LTBP3: variants seen among roughly 807,000 people sequenced by gnomAD.
LTBP3 encodes the protein latent-transforming growth factor beta-binding protein 3.
Under a neutral mutation model 159.7 loss-of-function variants are expected in LTBP3, and 97 were observed. The ratio of observed to expected loss-of-function variants is 0.61; its 90% CI spans 0.52 to 0.72. The LOEUF (loss-of-function observed/expected upper bound fraction) is 0.72, where lower values mean the gene tolerates loss of function less well. Among genes scored for constraint, LTBP3 ranks in the 30% least tolerant of loss-of-function variants. LTBP3 has a pLI of 0.00. For synonymous variants in LTBP3, 824 were observed against 777.1 expected (o/e 1.06, Z -1.00); for missense variants, 1,584 against 1,864.3 (o/e 0.85, Z 2.77).
At position 65,539,790 on chromosome 11, in the gene LTBP3, G is replaced by C; in HGVS notation, c.3477C>G (p.Phe1159Leu). 1 of 1,544,884 alleles carries C rather than the reference G, an allele frequency of 6.5e-7. No homozygotes were observed. The highest frequency in any genetic ancestry group is 8.7e-7 in the Non-Finnish European group (1 of 1,152,628). The change falls in exon 25 of 28, where the codon TTC (phenylalanine) becomes TTG (leucine). Residue 1159 changes from phenylalanine (F) to leucine (L), a missense_variant. Physicochemically the swap from Phe to Leu is conservative, Grantham distance 22. This residue lies in a region of LTBP3 where 514 missense variants were observed against 530.3 expected (regional missense o/e 0.97). Transcript: ENST00000301873. ...GGCCCTGGCGGCAGCAGCAGTCGTC[G>C]AAGGTGAGGGCAGGCCCGGCCAGGG... ...AGPLAGPALTFDDCCCRQGRG... is the reference protein window; with the variant it reads ...AGPLAGPALTLDDCCCRQGRG...
chr11:65,539,492 CTG>C (rs778279133), intron 26 of LTBP3, 33 bp from the exon 27 acceptor site: 1 of 1,591,362 alleles, frequency 6.3e-7, no homozygotes, highest in African/African-American at 1.3e-5. Flanking sequence ...GACTTCAACA[CTG>C]AGCCCCGGCC....
Position 65,540,439 on chromosome 11 carries a change from CGT to C in LTBP3, c.3106+45_3106+46del, listed in dbSNP as rs764293664. ...CAGGCCCGGGATGGGCGCGGTGGCG[CGT>C]GTCTCCCTGCCGCTTCCCCACGGCC... On this transcript the variant is annotated intron_variant, in intron 22 of 27. Coordinates refer to ENST00000301873, the MANE Select transcript of LTBP3 (RefSeq NM_001130144.3). The C allele has an allele frequency of 3.1e-6, 5 of 1,609,992 alleles. No homozygotes were observed. The African/African-American group carries it at 4.0e-5, about 13-fold the overall frequency.
rs1019822569 is a variant in LTBP3 at position 65,551,079 on chromosome 11, G to A, written c.1720+47C>T. 16 of 1,476,898 alleles carry A rather than the reference G, an allele frequency of 1.1e-5. No homozygotes were observed. In the East Asian group the frequency reaches 3.9e-4, roughly 36 times the overall value. 91.5% of individuals were successfully genotyped at this position (1,476,898 alleles called of 1,614,324 possible). A position where few individuals can be genotyped will look rare whatever the true frequency, so the allele number is the denominator to read the frequency against. On this transcript the variant is annotated intron_variant, in intron 11 of 27. Coordinates refer to ENST00000301873, the MANE Select transcript of LTBP3 (RefSeq NM_001130144.3). ...GCGGGAGGGAGGAGAGAAAACTAAA[G>A]TGGGGGCGTGGCCTAGGCAGGGGTG...
rs753899891 is a variant in LTBP3, at chr11:65,553,175, G to T, written c.1052C>A (p.Thr351Asn). Reference protein sequence around the residue: ...CPQGYKRLNSTHCQDINECAM... With the variant: ...CPQGYKRLNSNHCQDINECAM... ...CTAGCTGGCCATACCCTGGCAGTGG[G>T]TGCTGTTAAGCCTCTTGTAGCCCTG... is the stretch of plus-strand genomic sequence containing the variant. Residue 351 changes from threonine (T) to asparagine (N), a missense_variant, in exon 5 of 28, where the codon ACC becomes AAC. Coordinates refer to ENST00000301873, the MANE Select transcript of LTBP3 (RefSeq NM_001130144.3). This position sits in a 1 kb window ranked among gnomAD's most constrained non-coding sequence, Gnocchi z 6.5. 18 of 1,613,992 alleles carry T rather than the reference G, an allele frequency of 1.1e-5. No individual in the cohort carries two copies. The Admixed American group carries it at 3.0e-4, about 27-fold the overall frequency.
chr11:65,548,019 T>C lies in LTBP3; in HGVS notation c.1747A>G (p.Asn583Asp), dbSNP rs1856456418. The change falls in exon 12 of 28, where the codon AAC becomes GAC. Residue 583 changes from asparagine (N) to aspartate (D), a missense_variant. Asn to Asp is a conservative substitution (Grantham distance 23). Coordinates refer to ENST00000301873, the MANE Select transcript of LTBP3 (RefSeq NM_001130144.3). ...ACGCACTCTCCGTGGCCACAGATGT[T>C]CTGGTTCAGTCGGCACTCATCAGTC... ...TETDECRLNQ[N>D]ICGHGECVPG... 6.2e-7 allele frequency: 1 copy of C among 1,613,740 alleles called. No individual in the cohort carries two copies. The highest frequency in any genetic ancestry group is 1.3e-5 in the African/African-American group (1 of 74,856).
Position 65,554,866 on chromosome 11 carries a change from G to T in LTBP3, c.332-486C>A, listed in dbSNP as rs1046818947. Among the ~76,000 whole-genome samples, 42 of 151,392 alleles carry T rather than the reference G, an allele frequency of 2.8e-4. No homozygotes were observed. The highest frequency in any genetic ancestry group is 1.0e-3 in the African/African-American group (42 of 41,180). ...CTTCAGGCCTCAGTCCTCTCTGCCT[G>T]CTCTCCACCCTCTCCCTCTTCACCA... On this transcript the variant is annotated intron_variant, in intron 1 of 27. Transcript: ENST00000301873. The surrounding 1 kb of genome is among the most constrained non-coding windows in gnomAD (Gnocchi z 5.3).
intron 1 of LTBP3, among the ~76,000 whole-genome samples, chr11:65,556,043 C>T (rs891212137): frequency 1.3e-5 from 2 of 152,178 alleles, no homozygotes; most frequent in Non-Finnish European, 2.9e-5. Flanking sequence ...AGAGTGACCT[C>T]CCAATGACAC....
chr11:65,538,608 A>G lies in LTBP3; in HGVS notation c.*472T>C, dbSNP rs2135110760. 1.3e-6 allele frequency: 2 copies of G among 1,592,420 alleles called. No homozygotes were observed. Among genetic ancestry groups the G allele is most frequent in the Non-Finnish European group, 1.7e-6 (2 of 1,170,120 alleles). Reference sequence around the variant, plus strand: ...TTCCCGGCTGCGGAGAGCCCGCCCCACAGATGTATTTATTGTACAAACCAT... The same window carrying G: ...TTCCCGGCTGCGGAGAGCCCGCCCCGCAGATGTATTTATTGTACAAACCAT... On this transcript the variant is annotated 3_prime_UTR_variant, in exon 28 of 28. Coordinates refer to ENST00000301873, the MANE Select transcript of LTBP3 (RefSeq NM_001130144.3).
At position 65,548,016 on chromosome 11, in the gene LTBP3, T is replaced by A; in HGVS notation, c.1750A>T (p.Ile584Phe). The A allele has an allele frequency of 6.2e-7, 1 of 1,613,840 alleles. No individual in the cohort carries two copies. The highest frequency in any genetic ancestry group is 8.5e-7 in the Non-Finnish European group (1 of 1,179,964). The stretch of plus-strand genomic sequence containing the variant: ...GGCACGCACTCTCCGTGGCCACAGA[T>A]GTTCTGGTTCAGTCGGCACTCATCA... ...ETDECRLNQN[I>F]CGHGECVPGP... is the part of the protein sequence containing the mutation. Residue 584 changes from isoleucine to phenylalanine, a missense_variant, in exon 12 of 28, where the codon ATC becomes TTC. This residue lies in a region of LTBP3 where 565 missense variants were observed against 677.7 expected (regional missense o/e 0.83). Coordinates refer to ENST00000301873, the MANE Select transcript of LTBP3 (RefSeq NM_001130144.3).
At chr11:65,551,368 C>A in intron 10 of LTBP3, 34 bp downstream of exon 10, 2 of 1,608,216 alleles carry the variant, frequency 1.2e-6, no homozygotes, top group Non-Finnish European at 1.7e-6. Flanking sequence ...GTGATTTAGC[C>A]CTTGAGGACT....
rs1856733396 is a variant in LTBP3, at chr11:65,554,411, C to A, written c.332-31G>T. ...GAGAAGAGTGGGGTCAGGCCCTCAC[C>A]CACATCCTGTCTCTTTCCCCTCCTC... On this transcript the variant is annotated intron_variant, in intron 1 of 27. Coordinates refer to ENST00000301873, the MANE Select transcript of LTBP3 (RefSeq NM_001130144.3). This position sits in a 1 kb window ranked among gnomAD's most constrained non-coding sequence, Gnocchi z 5.3. 4.5e-6 allele frequency: 7 copies of A among 1,560,502 alleles called. No individual in the cohort carries two copies. Among genetic ancestry groups the A allele is most frequent in the African/African-American group, 1.4e-5 (1 of 74,012 alleles).
In LTBP3 at chr11:65,552,237, C is replaced by T. The variant is rs1003395734; in HGVS notation, c.1345+11G>A. On this transcript the variant is annotated intron_variant, in intron 7 of 27. Coordinates refer to ENST00000301873, the MANE Select transcript of LTBP3 (RefSeq NM_001130144.3). This position sits in a 1 kb window ranked among gnomAD's most constrained non-coding sequence, Gnocchi z 6.0. ...CCTATGAACCCCTATCCCCGGGTAA[C>T]CCTGACTCACCGGTGCCATCTGTTG... is the stretch of plus-strand genomic sequence containing the variant. 5 of 1,614,168 alleles carry T rather than the reference C, an allele frequency of 3.1e-6. No individual in the cohort carries two copies. Among genetic ancestry groups the T allele is most frequent in the Non-Finnish European group, 4.2e-6 (5 of 1,180,022 alleles).
chr11:65,540,789 A>C, intron 21 of LTBP3, 82 bp downstream of exon 21: 2 of 1,517,698 alleles, frequency 1.3e-6, no homozygotes, highest in Non-Finnish European at 9.0e-7. Context: ...CGGGCAGCTG[A>C]CCCAGCGAGT....
rs778481598 is a variant in LTBP3 at position 65,543,432 on chromosome 11, C to T, written c.2471G>A (p.Cys824Tyr). 3.7e-6 allele frequency: 6 copies of T among 1,614,106 alleles called. No homozygotes were observed. The highest frequency in any genetic ancestry group is 5.1e-6 in the Non-Finnish European group (6 of 1,179,990). ...GYHLSRDRSH[C>Y]EDIDECDFPA... ...CCAGCTCTAAGATCCCTCACCCTCG[C>T]AGTGGCTCCGGTCCCTGGACAGATG... is the stretch of plus-strand genomic sequence containing the variant. The change falls in exon 17 of 28, where the codon TGC (cysteine) becomes TAC (tyrosine). Residue 824 changes from cysteine to tyrosine, a missense_variant. Around this residue, in one of 6 missense-constraint regions of LTBP3, gnomAD observed 565 missense variants for 677.7 expected, o/e 0.83. Transcript: ENST00000301873.
chr11:65,543,929 G>A (rs1362718649), intron 16 of LTBP3: 2 of 329,546 alleles, frequency 6.1e-6, no homozygotes, highest in Non-Finnish European at 1.2e-5. Context: ...CCCTCCCCCG[G>A]GACACACTTT....
chr11:65,551,936 G>GGCAT, intron 8 of LTBP3, 36 bp downstream of exon 8: 1 of 1,607,742 alleles, frequency 6.2e-7, no homozygotes, highest in Non-Finnish European at 8.5e-7. Flanking sequence ...CTAGGGGCTT[G>GGCAT]GCATGGGTCA....
rs181047269 is a variant in LTBP3, at chr11:65,543,582, C to G, written c.2354-33G>C. On this transcript the variant is annotated intron_variant, in intron 16 of 27. Transcript: ENST00000301873. The stretch of plus-strand genomic sequence containing the variant: ...GCATAGGGGGTGTCAGAGGACCAGG[C>G]TGGGTGGTCTTGGGTTTCTACTACT... 5.6e-6 allele frequency: 9 copies of G among 1,613,830 alleles called. No homozygotes were observed. In the Admixed American group the frequency reaches 1.5e-4, roughly 27 times the overall value.
At position 65,554,512 on chromosome 11, in the gene LTBP3, G is replaced by T; in HGVS notation, c.332-132C>A. On this transcript the variant is annotated intron_variant, in intron 1 of 27. Transcript: ENST00000301873. The surrounding 1 kb of genome is among the most constrained non-coding windows in gnomAD (Gnocchi z 5.3). Reference sequence around the variant, plus strand: ...GAGATACATCCTACATAGGGAAACTGCCCTCTCTAGGTTCCCCAACATCCT... The same window carrying T: ...GAGATACATCCTACATAGGGAAACTTCCCTCTCTAGGTTCCCCAACATCCT... 1.5e-6 allele frequency: 1 copy of T among 671,416 alleles called. No homozygotes were observed. Among genetic ancestry groups the T allele is most frequent in the Non-Finnish European group, 2.5e-6 (1 of 396,722 alleles). The allele number at this position is 671,416 out of a possible 1,614,324, so 41.6% of individuals were successfully genotyped here.
chr11:65,547,605 G>A lies in LTBP3; in HGVS notation c.1979-38C>T, dbSNP rs1440315966. ...AAGGGGCCACGAAGGGGGTGTAGGA[G>A]GCGGCGGGCAAGGGGAGGGATTACA... On this transcript the variant is annotated intron_variant, in intron 13 of 27. Coordinates refer to ENST00000301873, the MANE Select transcript of LTBP3 (RefSeq NM_001130144.3). The surrounding 1 kb of genome is among the most constrained non-coding windows in gnomAD (Gnocchi z 4.6). The A allele has an allele frequency of 1.2e-6, 2 of 1,611,706 alleles. No homozygotes were observed. Among genetic ancestry groups the A allele is most frequent in the South Asian group, 1.1e-5 (1 of 91,054 alleles).
Sources: allele counts gnomAD v4.1 joint callset (sites outside exome capture counted in the v4.1 genomes callset), GRCh38; gene constraint gnomAD v4.1.1; regional missense constraint gnomAD v4.1.1; non-coding constraint Gnocchi (gnomAD v3.1); transcripts MANE v1.5; gene names NCBI Gene and HGNC (gene_info 2026-07-23, HGNC 2026-07-21).